The following PYGO1 variants were observed in gnomAD, a reference collection of about 807,000 sequenced individuals.
The protein encoded by PYGO1 is pygopus homolog 1.
A neutral mutation model predicts 29.5 loss-of-function variants in PYGO1; 6 were observed. That is an observed-to-expected ratio of 0.20 (90% confidence interval 0.11 to 0.40). The LOEUF (loss-of-function observed/expected upper bound fraction) is 0.40. PYGO1 is among the 10% of genes least tolerant of loss of function. The pLI, the probability that PYGO1 is intolerant of heterozygous loss-of-function variation, is 1.00. For missense variants in PYGO1, 515 were observed against 514.9 expected, an observed-to-expected ratio of 1.00 and a Z score of 0.00; for synonymous variants, 186 against 180.5, an observed-to-expected ratio of 1.03 and a Z score of -0.24.
At chr15:55,558,463 CA>C (rs1179037327) in intron 1 of PYGO1, among the ~76,000 whole-genome samples, 7 of 152,118 alleles carry the variant, frequency 4.6e-5, no homozygotes, top group African/African-American at 1.7e-4. Flanking sequence ...ATCAAGCTAC[CA>C]ATGACTTTCT....
At chr15:55,564,089 C>A (rs1354817205) in intron 1 of PYGO1, among the ~76,000 whole-genome samples, 2 of 152,134 alleles carry the variant, frequency 1.3e-5, no homozygotes, top group Non-Finnish European at 2.9e-5. Flanking sequence ...GACAAGACAA[C>A]TGAAAATTTC....
At chr15:55,565,253 GTCA>G (rs2058950232) in intron 1 of PYGO1, among the ~76,000 whole-genome samples, 1 of 151,990 alleles carries the variant, frequency 6.6e-6, no homozygotes, top group African/African-American at 2.4e-5. Flanking sequence ...CATCTTGGTG[GTCA>G]TCTTAGAATT....
chr15:55,575,397 T>C (rs1271822251), intron 1 of PYGO1, among the ~76,000 whole-genome samples: 1 of 152,232 alleles, frequency 6.6e-6, no homozygotes, highest in Non-Finnish European at 1.5e-5. Flanking sequence ...TTTTAAGCTT[T>C]ATGACAAATA....
intron 1 of PYGO1, among the ~76,000 whole-genome samples, chr15:55,568,794 C>G (rs775701390): frequency 6.6e-6 from 1 of 151,952 alleles, no homozygotes; most frequent in African/African-American, 2.4e-5. Context: ...GGGTTTTTAT[C>G]GTGATAGGAT....
chr15:55,587,149 G>A (rs890565061), intron 1 of PYGO1, among the ~76,000 whole-genome samples: 35 of 152,164 alleles, frequency 2.3e-4, no homozygotes, highest in African/African-American at 7.2e-4. Context: ...CTTATATGCA[G>A]TATCTTTTGT....
rs769670996 is a variant in PYGO1, at chr15:55,585,007, G to A, written c.49+2828C>T. On this transcript the variant is annotated intron_variant, in intron 1 of 2. Coordinates refer to ENST00000563719, the MANE Select transcript of PYGO1 (RefSeq NM_001367806.1). ...TGTGGATCCCAGAAGTCCTGATTCCGTAGATCCACGAATCTATATTTTAAT... is the reference window on the plus strand; with the variant it reads ...TGTGGATCCCAGAAGTCCTGATTCCATAGATCCACGAATCTATATTTTAAT... Among the ~76,000 whole-genome samples, 8 of 152,136 alleles carry A rather than the reference G, an allele frequency of 5.3e-5. No homozygotes were observed. In the East Asian group the frequency reaches 9.6e-4, roughly 18 times the overall value.
intron 1 of PYGO1, among the ~76,000 whole-genome samples, chr15:55,559,962 G>C (rs994051598): frequency 1.3e-5 from 2 of 152,048 alleles, no homozygotes; most frequent in Admixed American, 1.3e-4. Context: ...ATGCAGAACA[G>C]GCCTTCAATA....
rs2058828972 is a variant in PYGO1, at chr15:55,541,785, A to G, written c.*4238T>C. 1 of 152,222 alleles carries G rather than the reference A, an allele frequency of 6.6e-6. No homozygotes were observed. 9.4% of individuals were successfully genotyped at this position (152,222 alleles called of 1,614,324 possible). A position where few individuals can be genotyped will look rare whatever the true frequency, so the allele number is the denominator to read the frequency against. ...GGGCAAATGCAAAGAAACCCACACC[A>G]AAGAACTTAACCTCCTAATCACATC... is the stretch of plus-strand genomic sequence containing the variant. On this transcript the variant is annotated 3_prime_UTR_variant, in exon 3 of 3. Transcript: ENST00000563719.
Position 55,588,040 on chromosome 15 carries a change from G to A in PYGO1, c.-157C>T, listed in dbSNP as rs1305801462. On this transcript the variant is annotated 5_prime_UTR_variant, in exon 1 of 3. Transcript: ENST00000563719. ...GGCGGTGGGGACGCGGGCCGACTTT[G>A]CAAAGTTTGGGAGGAGGACGAGGCC... 23 of 1,221,212 alleles carry A rather than the reference G, an allele frequency of 1.9e-5. No individual in the cohort carries two copies. Among genetic ancestry groups the A allele is most frequent in the Non-Finnish European group, 2.1e-5 (21 of 977,526 alleles). 75.6% of individuals were successfully genotyped at this position (1,221,212 alleles called of 1,614,324 possible).
At chr15:55,564,767 T>A (rs1240767292) in intron 1 of PYGO1, among the ~76,000 whole-genome samples, 1 of 152,210 alleles carries the variant, frequency 6.6e-6, no homozygotes, top group Non-Finnish European at 1.5e-5. Context: ...CCATTGATAA[T>A]CTCTCAGTCT....
chr15:55,577,384 C>G (rs539036331), intron 1 of PYGO1, among the ~76,000 whole-genome samples: 1 of 152,142 alleles, frequency 6.6e-6, no homozygotes, highest in Non-Finnish European at 1.5e-5. Flanking sequence ...TGTATCCCCA[C>G]CACCTTGGGC....
intron 2 of PYGO1, among the ~76,000 whole-genome samples, chr15:55,548,260 T>A (rs1168939226): frequency 6.6e-6 from 1 of 151,478 alleles, no homozygotes; most frequent in East Asian, 2.0e-4. Context: ...CCTCAAGTAA[T>A]CCACCCACCT....
intron 1 of PYGO1, among the ~76,000 whole-genome samples, chr15:55,562,207 C>A (rs763200422): frequency 3.9e-5 from 6 of 152,012 alleles, no homozygotes; most frequent in African/African-American, 1.5e-4. Flanking sequence ...GGCAAGGTTG[C>A]GGAGAAAAAG....
chr15:55,575,842 T>C (rs989953597), intron 1 of PYGO1, among the ~76,000 whole-genome samples: 1 of 152,126 alleles, frequency 6.6e-6, no homozygotes, highest in Admixed American at 6.6e-5. Context: ...GCTTAAACAG[T>C]ATTCCTTTCT....
At chr15:55,588,438 C>T (rs2059059883), upstream of PYGO1, among the ~76,000 whole-genome samples, 1 of 148,454 alleles carries the variant, frequency 6.7e-6, no homozygotes, top group Non-Finnish European at 1.5e-5. Flanking sequence ...CTGAGCTCCC[C>T]AGCCCCGCGC....
chr15:55,574,161 A>G (rs1272270675), intron 1 of PYGO1, among the ~76,000 whole-genome samples: 1 of 152,190 alleles, frequency 6.6e-6, no homozygotes, highest in East Asian at 1.9e-4. Flanking sequence ...GAACCAAAAG[A>G]TACTATTTTT....
chr15:55,574,023 T>C (rs1368662121), intron 1 of PYGO1, among the ~76,000 whole-genome samples: 1 of 152,324 alleles, frequency 6.6e-6, no homozygotes, highest in South Asian at 2.1e-4. Flanking sequence ...ATTCAGCTTT[T>C]TCTGGTAACG....
At chr15:55,549,831 AACAT>A (rs2058870889) in intron 1 of PYGO1, among the ~76,000 whole-genome samples, 3 of 152,222 alleles carry the variant, frequency 2.0e-5, no homozygotes, top group Admixed American at 2.0e-4. Context: ...GAACATATAC[AACAT>A]ACAGAGAAGA....
intron 1 of PYGO1, 129 bp from the exon 2 acceptor site, chr15:55,549,124 TATC>T (rs2141646767): frequency 1.7e-6 from 1 of 597,664 alleles, no homozygotes; most frequent in East Asian, 3.3e-5. Flanking sequence ...ATACTTTTAT[TATC>T]ATTATCTGTT....
Sources: gnomAD v4.1 joint callset for allele counts (sites outside exome capture counted in the v4.1 genomes callset) on GRCh38, gnomAD v4.1.1 for gene constraint, MANE v1.5 for transcripts, NCBI Gene and HGNC (gene_info 2026-07-23, HGNC 2026-07-21) for gene names.